ARHGEF33: variants seen among roughly 807,000 people sequenced by gnomAD.
The protein encoded by ARHGEF33 is Rho guanine nucleotide exchange factor 33.
Under a neutral mutation model 101.9 loss-of-function variants are expected in ARHGEF33, and 72 were observed. That is an observed-to-expected ratio of 0.71 (90% CI 0.58 to 0.86). The LOEUF (loss-of-function observed/expected upper bound fraction) is 0.86. Among genes scored for constraint, ARHGEF33 ranks in the 40% least tolerant of loss-of-function variants. The pLI is 0.00. For synonymous variants in ARHGEF33, 499 were observed against 442.5 expected (o/e 1.13, Z -1.60); for missense variants, 1,169 against 1,111.3 (o/e 1.05, Z -0.74).
intron 7 of ARHGEF33, among the ~76,000 whole-genome samples, chr2:38,932,217 G>A (rs2124999358): frequency 6.6e-6 from 1 of 152,206 alleles, no homozygotes; most frequent in Admixed American, 6.5e-5. Context: ...CTGCCTCCCG[G>A]GTTCAAGTGA....
At chr2:38,906,881 C>G (rs953396694) in intron 2 of ARHGEF33, among the ~76,000 whole-genome samples, 1 of 151,678 alleles carries the variant, frequency 6.6e-6, no homozygotes, top group African/African-American at 2.4e-5. Context: ...TTGCTTGAGC[C>G]TGGGAGGTCA....
rs1314805815 is a variant in ARHGEF33, at chr2:38,951,101, C to T, written c.1033C>T (p.Leu345Phe). 1.3e-6 allele frequency: 2 copies of T among 1,551,624 alleles called. No individual in the cohort carries two copies. Among genetic ancestry groups the T allele is most frequent in the East Asian group, 2.4e-5 (1 of 40,930 alleles). The change falls in exon 11 of 18, where the codon CTT (leucine) becomes TTT (phenylalanine). Residue 345 changes from leucine to phenylalanine, a missense_variant. Coordinates refer to ENST00000409978, the MANE Select transcript of ARHGEF33 (RefSeq NM_001145451.5). ...PRQGVLGDLF[L>F]KLTNDENNFL... The stretch of plus-strand genomic sequence containing the variant: ...CCAAGGCGTTCTTGGAGATTTATTC[C>T]TTAAGTTAACAAATGACGAGGTAAG...
chr2:38,948,499 A>G (rs1381749330), intron 10 of ARHGEF33, among the ~76,000 whole-genome samples: 1 of 151,560 alleles, frequency 6.6e-6, no homozygotes, highest in Admixed American at 6.6e-5. Context: ...ACAGTGTAGC[A>G]GAATGCAGCT....
chr2:38,965,187 TCAG>T (rs1219984596), intron 16 of ARHGEF33, among the ~76,000 whole-genome samples: 2 of 152,200 alleles, frequency 1.3e-5, no homozygotes, highest in African/African-American at 4.8e-5. Context: ...TATTCAAAAT[TCAG>T]CAGCTGTTTT....
chr2:38,946,576 C>T (rs1667456785), intron 10 of ARHGEF33, among the ~76,000 whole-genome samples: 1 of 152,126 alleles, frequency 6.6e-6, no homozygotes, highest in Non-Finnish European at 1.5e-5. Context: ...CTCCTCCACT[C>T]ATTATCTTTC....
intron 1 of ARHGEF33, among the ~76,000 whole-genome samples, chr2:38,891,217 A>G (rs1277439251): frequency 6.6e-6 from 1 of 152,108 alleles, no homozygotes; most frequent in Non-Finnish European, 1.5e-5. Flanking sequence ...TACAGGTGTG[A>G]GCCACCATGC....
intron 13 of ARHGEF33, 117 bp from the exon 14 acceptor site, chr2:38,956,778 GTTCA>G: frequency 8.1e-7 from 1 of 1,233,838 alleles, no homozygotes; most frequent in Non-Finnish European, 1.1e-6. Flanking sequence ...CATGTGTATT[GTTCA>G]TTGTTTTGAT....
intron 2 of ARHGEF33, among the ~76,000 whole-genome samples, chr2:38,896,219 A>G (rs1164865360): frequency 2.2e-4 from 33 of 152,114 alleles, no homozygotes. Context: ...GGTCACTGCA[A>G]CCTCTGCCTT....
At chr2:38,911,652 C>G (rs1049372128) in intron 2 of ARHGEF33, among the ~76,000 whole-genome samples, 1 of 152,172 alleles carries the variant, frequency 6.6e-6, no homozygotes, top group African/African-American at 2.4e-5. Flanking sequence ...TTTCAACATT[C>G]TTATTTCTCT....
In ARHGEF33 at chr2:38,974,409, A is replaced by G. The variant is rs917844070; in HGVS notation, c.*566A>G. 1 of 152,246 alleles carries G rather than the reference A, an allele frequency of 6.6e-6. No homozygotes were observed. Among genetic ancestry groups the G allele is most frequent in the African/African-American group, 2.4e-5 (1 of 41,474 alleles). The allele number at this position is 152,246 out of a possible 1,614,324, so 9.4% of individuals were successfully genotyped here. On this transcript the variant is annotated 3_prime_UTR_variant, in exon 18 of 18. Coordinates refer to ENST00000409978, the MANE Select transcript of ARHGEF33 (RefSeq NM_001145451.5). Reference sequence around the variant, plus strand: ...TATATGTTGCATATCTGAGTTATGGAGAATTTGTGCTTAAACCATGATTCA... The same window carrying G: ...TATATGTTGCATATCTGAGTTATGGGGAATTTGTGCTTAAACCATGATTCA...
chr2:38,959,978 T>A lies in ARHGEF33; in HGVS notation c.1673T>A (p.Phe558Tyr). 1 of 1,550,928 alleles carries A rather than the reference T, an allele frequency of 6.4e-7. No homozygotes were observed. Among genetic ancestry groups the A allele is most frequent in the South Asian group, 1.2e-5 (1 of 84,032 alleles). The change falls in exon 16 of 18, where the codon TTC becomes TAC. Residue 558 changes from phenylalanine (F) to tyrosine (Y), a missense_variant. By Grantham distance (22) the Phe-to-Tyr change is conservative. Coordinates refer to ENST00000409978, the MANE Select transcript of ARHGEF33 (RefSeq NM_001145451.5). ...RPESLLAPTQFCAAEQDVKAL... is the reference protein window; with the variant it reads ...RPESLLAPTQYCAAEQDVKAL... ...GAGAGCCTTCTGGCACCGACGCAGTTCTGCGCGGCCGAGCAGGACGTGAAG... is the reference window on the plus strand; with the variant it reads ...GAGAGCCTTCTGGCACCGACGCAGTACTGCGCGGCCGAGCAGGACGTGAAG...
At chr2:38,944,713 T>C (rs754843456) in intron 10 of ARHGEF33, among the ~76,000 whole-genome samples, 4 of 152,204 alleles carry the variant, frequency 2.6e-5, no homozygotes, top group Non-Finnish European at 5.9e-5. Flanking sequence ...GCCATCTGCA[T>C]GGAGTCCCCA....
chr2:38,913,907 T>TG (rs1666571411), intron 2 of ARHGEF33, among the ~76,000 whole-genome samples: 1 of 151,788 alleles, frequency 6.6e-6, no homozygotes, highest in Non-Finnish European at 1.5e-5. Context: ...CACTCCTTGG[T>TG]TAAAAAAAAA....
chr2:38,908,242 A>C (rs1042914151), intron 2 of ARHGEF33, among the ~76,000 whole-genome samples: 1 of 152,178 alleles, frequency 6.6e-6, no homozygotes, highest in Non-Finnish European at 1.5e-5. Context: ...AAAGAGAGTC[A>C]AGTCAGGATA....
At chr2:38,890,284 A>G (rs1328165075) in intron 1 of ARHGEF33, among the ~76,000 whole-genome samples, 1 of 152,210 alleles carries the variant, frequency 6.6e-6, no homozygotes, top group Non-Finnish European at 1.5e-5. Context: ...AGATGAGTTA[A>G]ATTTTGAGAG....
intron 9 of ARHGEF33, among the ~76,000 whole-genome samples, chr2:38,943,044 C>G (rs759809745): frequency 2.0e-4 from 31 of 152,326 alleles, no homozygotes; most frequent in Middle Eastern, 3.4e-3. Context: ...CCTCCTGCCT[C>G]AGACTCCCGA....
chr2:38,913,234 A>G (rs930178015), intron 2 of ARHGEF33, among the ~76,000 whole-genome samples: 3 of 152,204 alleles, frequency 2.0e-5, no homozygotes, highest in Non-Finnish European at 4.4e-5. Flanking sequence ...CTAGGAAAAT[A>G]CAAGTGACTA....
chr2:38,947,288 G>A (rs1444302873), intron 10 of ARHGEF33, among the ~76,000 whole-genome samples: 1 of 152,222 alleles, frequency 6.6e-6, no homozygotes, highest in African/African-American at 2.4e-5. Context: ...TCCTCAGCCT[G>A]TTTGAAGCCA....
chr2:38,956,838 A>G, intron 13 of ARHGEF33, 61 bp from the exon 14 acceptor site: 2 of 1,532,228 alleles, frequency 1.3e-6, no homozygotes, highest in South Asian at 2.4e-5. Flanking sequence ...GAGGTGCAGA[A>G]GAGAAAAAAC....
Sources: gnomAD v4.1 joint callset for allele counts (sites outside exome capture counted in the v4.1 genomes callset) on GRCh38, gnomAD v4.1.1 for gene constraint, MANE v1.5 for transcripts, NCBI Gene and HGNC (gene_info 2026-07-23, HGNC 2026-07-21) for gene names.